The following RAI14 variants were observed in gnomAD, a reference collection of about 807,000 sequenced individuals.
RAI14 encodes retinoic acid induced 14, also known as ankycorbin.
A neutral mutation model predicts 115.4 loss-of-function variants in RAI14; 45 were observed. The ratio of observed to expected loss-of-function variants is 0.39; its 90% CI spans 0.31 to 0.50. RAI14 has a LOEUF of 0.50. RAI14 is among the 20% of genes least tolerant of loss of function. RAI14 has a pLI of 0.85. For synonymous variants in RAI14, 371 were observed against 415.4 expected (o/e 0.89, Z 1.30); for missense variants, 939 against 1,131.2 (o/e 0.83, Z 2.44).
At chr5:34,765,287 G>T (rs1749211889) in intron 3 of RAI14, among the ~76,000 whole-genome samples, 1 of 152,218 alleles carries the variant, frequency 6.6e-6, no homozygotes, top group South Asian at 2.1e-4. Flanking sequence ...ACAGGCAGAG[G>T]CTGGAACACT....
chr5:34,757,390 C>T lies in RAI14; in HGVS notation c.37-78C>T, dbSNP rs888170728. 7.2e-6 allele frequency: 11 copies of T among 1,523,788 alleles called. No homozygotes were observed. The African/African-American group carries it at 9.6e-5, about 13-fold the overall frequency. The allele number at this position is 1,523,788 out of a possible 1,614,324, so 94.4% of individuals were successfully genotyped here. On this transcript the variant is annotated intron_variant, in intron 2 of 17. Transcript: ENST00000265109. ...TTGAGTGACAGGAGGGTGGGGGCTG[C>T]GAGGACTGCAGCCCTGCTGGTCAGT...
rs528554776 is a variant in RAI14 at position 34,688,035 on chromosome 5, G to A, written c.36+1080G>A. ...TAAAGAAAGAACTGGGAAGCGTTAT[G>A]AAAAAAGTTGATCTTACCTTCTTAT... is the stretch of plus-strand genomic sequence containing the variant. On this transcript the variant is annotated intron_variant, in intron 2 of 17. Coordinates refer to ENST00000265109, the MANE Select transcript of RAI14 (RefSeq NM_015577.3). 1.7e-5 allele frequency: 24 copies of A among 1,398,354 alleles called. No homozygotes were observed. The South Asian group carries it at 3.7e-4, about 21-fold the overall frequency. 86.6% of individuals were successfully genotyped at this position (1,398,354 alleles called of 1,614,324 possible).
chr5:34,677,841 A>C (rs6897454), intron 1 of RAI14, among the ~76,000 whole-genome samples: 60,376 of 152,138 alleles, frequency 0.4, 13,793 homozygotes, highest in South Asian at 0.63. Flanking sequence ...AATGTTGGTG[A>C]AAAAGTAATC....
intron 12 of RAI14, 143 bp from the exon 13 acceptor site, chr5:34,818,653 CT>C (rs1756513554): frequency 1.8e-6 from 1 of 561,740 alleles, no homozygotes; most frequent in Non-Finnish European, 3.1e-6. Context: ...AAAATATCTT[CT>C]TTCTTCGAGA....
At chr5:34,743,783 T>C (rs1745825686) in intron 2 of RAI14, among the ~76,000 whole-genome samples, 1 of 152,214 alleles carries the variant, frequency 6.6e-6, no homozygotes, top group Non-Finnish European at 1.5e-5. Flanking sequence ...ACTAACTAGT[T>C]CCAAAAGGGT....
intron 1 of RAI14, among the ~76,000 whole-genome samples, chr5:34,658,116 A>C (rs1003236576): frequency 1.3e-5 from 2 of 152,174 alleles, no homozygotes; most frequent in African/African-American, 4.8e-5. Context: ...TGCTTCAGTA[A>C]TGAATTTATT....
intron 3 of RAI14, among the ~76,000 whole-genome samples, chr5:34,767,591 G>GCCCCCCCCCCCCCCCCCCCCCCCCCC (rs1561334151): frequency 8.6e-6 from 1 of 116,750 alleles, no homozygotes; most frequent in African/African-American, 3.3e-5. Context: ...CACCGCCACC[G>GCCCCCCCCCCCCCCCCCCCCCCCCCC]CCCCCACCAC....
rs1226650521 is a variant in RAI14, at chr5:34,823,246, C to T, written c.1404C>T (p.Cys468=). The T allele has an allele frequency of 2.5e-6, 4 of 1,614,042 alleles. No individual in the cohort carries two copies. The highest frequency in any genetic ancestry group is 3.3e-4 in the Middle Eastern group (2 of 6,062). ...AATCCCGAAGGGCAGAACTGGTATG[C>T]TTAAACAACACTGAGATTTCAGAGA... is the stretch of plus-strand genomic sequence containing the variant. ...ELQSRRAELV[C]LNNTEISENS... The change falls in exon 15 of 18, where the codon TGC becomes TGT. Residue 468 remains cysteine, a synonymous_variant. Coordinates refer to ENST00000265109, the MANE Select transcript of RAI14 (RefSeq NM_015577.3). This position sits in a 1 kb window ranked among gnomAD's most constrained non-coding sequence, Gnocchi z 4.5.
At position 34,807,828 on chromosome 5, in the gene RAI14, G is replaced by C; in HGVS notation, c.350G>C (p.Ser117Thr). The C allele has an allele frequency of 6.2e-7, 1 of 1,611,444 alleles. No homozygotes were observed. Among genetic ancestry groups the C allele is most frequent in the Non-Finnish European group, 8.5e-7 (1 of 1,177,540 alleles). ...AAATGCCCAGCCGAAAGTGTCGACAGCTCTGGGAAAACAGCTTTACATTAT... is the reference window on the plus strand; with the variant it reads ...AAATGCCCAGCCGAAAGTGTCGACACCTCTGGGAAAACAGCTTTACATTAT... ...QSKCPAESVD[S>T]SGKTALHYAA... Residue 117 changes from serine to threonine, a missense_variant, in exon 6 of 18, where the codon AGC becomes ACC. Coordinates refer to ENST00000265109, the MANE Select transcript of RAI14 (RefSeq NM_015577.3).
intron 2 of RAI14, among the ~76,000 whole-genome samples, chr5:34,703,416 T>C (rs1055288056): frequency 6.6e-6 from 1 of 152,236 alleles, no homozygotes; most frequent in African/African-American, 2.4e-5. Context: ...CCATTTAAAA[T>C]GTTGCAGAAA....
chr5:34,656,888 C>T (rs1375948988), intron 1 of RAI14: 1 of 152,248 alleles, frequency 6.6e-6, no homozygotes, highest in Non-Finnish European at 1.5e-5. Context: ...CTGTTTCGCC[C>T]CGCGCGGCGC....
In RAI14 at chr5:34,678,102, TTG is replaced by T. The variant is rs1491499736; in HGVS notation, c.-48-8768_-48-8767del. On this transcript the variant is annotated intron_variant, in intron 1 of 17. Transcript: ENST00000265109. ...GAGGGATAAAAAATTTTGTTTTGTT[TTG>T]TTTTTTTTTTTGAGACACAGTCTCA... 1.2e-3 allele frequency among the ~76,000 whole-genome samples: 145 copies of T among 122,006 alleles called. 1 individual carries two copies. The South Asian group carries it at 0.026, about 22-fold the overall frequency. 80.0% of individuals were successfully genotyped at this position (122,006 alleles called of 152,430 possible).
intron 3 of RAI14, among the ~76,000 whole-genome samples, chr5:34,792,002 GAGGGCAGACCTGGA>G: frequency 6.6e-6 from 1 of 152,334 alleles, no homozygotes; most frequent in Non-Finnish European, 1.5e-5. Flanking sequence ...CCTCTGGGTA[GAGGGCAGACCTGGA>G]GGGGCAGAGA....
At chr5:34,731,636 CTT>C (rs1744193799) in intron 2 of RAI14, among the ~76,000 whole-genome samples, 1 of 152,032 alleles carries the variant, frequency 6.6e-6, no homozygotes, top group Non-Finnish European at 1.5e-5. Context: ...AAGTGCTTCT[CTT>C]TTGCAGGAAC....
chr5:34,709,866 A>G (rs571845443), intron 2 of RAI14, among the ~76,000 whole-genome samples: 1 of 152,352 alleles, frequency 6.6e-6, no homozygotes, highest in Non-Finnish European at 1.5e-5. Context: ...ATAAGAATGA[A>G]TTAACCACTC....
In RAI14 at chr5:34,814,603, A is replaced by G. The variant is rs760951426; in HGVS notation, c.873A>G (p.Pro291=). The G allele has an allele frequency of 7.4e-6, 12 of 1,613,312 alleles. No homozygotes were observed. In the Admixed American group the frequency reaches 1.5e-4, roughly 20 times the overall value. ...TTTAGTTGAGTGATGTCTCTTCCCC[A>G]AGATCAATAACTTCGACTCCACTAT... ...SPTQLSDVSS[P]RSITSTPLSG... is the part of the protein sequence containing the mutation. The change falls in exon 12 of 18, where the codon CCA becomes CCG. Residue 291 remains proline, a synonymous_variant. Transcript: ENST00000265109.
chr5:34,802,856 A>G (rs894103686), intron 4 of RAI14, among the ~76,000 whole-genome samples: 1 of 152,086 alleles, frequency 6.6e-6, no homozygotes, highest in Non-Finnish European at 1.5e-5. Flanking sequence ...GAATTTTACA[A>G]CTCTCTCCCT....
At chr5:34,762,100 G>T (rs1422401960) in intron 3 of RAI14, among the ~76,000 whole-genome samples, 2 of 152,196 alleles carry the variant, frequency 1.3e-5, no homozygotes, top group Non-Finnish European at 2.9e-5. Flanking sequence ...CCCAAAGGAG[G>T]CCTTCATTTG....
intron 2 of RAI14, among the ~76,000 whole-genome samples, chr5:34,693,616 G>A (rs1466415436): frequency 6.6e-6 from 1 of 152,218 alleles, no homozygotes; most frequent in Non-Finnish European, 1.5e-5. Context: ...AGAAATGAAT[G>A]TTGAGGACAG....
Sources: gnomAD v4.1 joint callset for allele counts (sites outside exome capture counted in the v4.1 genomes callset) on GRCh38, gnomAD v4.1.1 for gene constraint, Gnocchi (gnomAD v3.1) non-coding constraint, MANE v1.5 for transcripts, NCBI Gene and HGNC (gene_info 2026-07-23, HGNC 2026-07-21) for gene names.